Variants in PTPRR observed in about 807,000 individuals in gnomAD.
The protein encoded by PTPRR is receptor-type tyrosine-protein phosphatase R.
A neutral mutation model predicts 77.2 loss-of-function variants in PTPRR; 38 were observed. The ratio of observed to expected loss-of-function variants is 0.49; its 90% CI spans 0.38 to 0.65. The LOEUF is 0.65. Among genes scored for constraint, PTPRR ranks in the 30% least tolerant of loss-of-function variants. The pLI is 0.00. For missense variants in PTPRR, 744 were observed against 799.2 expected, an observed-to-expected ratio of 0.93 and a Z score of 0.83; for synonymous variants, 299 against 283.1, an observed-to-expected ratio of 1.06 and a Z score of -0.57.
intron 13 of PTPRR, among the ~76,000 whole-genome samples, chr12:70,654,851 C>T (rs758146249): frequency 8.5e-5 from 13 of 152,194 alleles, no homozygotes; most frequent in African/African-American, 1.2e-4. Flanking sequence ...CACTTTGTTG[C>T]TCAGGCTGGT....
chr12:70,671,702 C>T (rs1034488769), intron 10 of PTPRR, among the ~76,000 whole-genome samples: 12 of 152,214 alleles, frequency 7.9e-5, no homozygotes, highest in Admixed American at 3.9e-4. Context: ...GAACAAGATA[C>T]GCTTTATTCC....
chr12:70,834,196 T>C (rs1449645545), intron 2 of PTPRR, among the ~76,000 whole-genome samples: 2 of 152,342 alleles, frequency 1.3e-5, no homozygotes, highest in Admixed American at 1.3e-4. Context: ...GATAAATCTA[T>C]TTACATTTTG....
At chr12:70,912,106 A>G (rs1408952542) in intron 1 of PTPRR, among the ~76,000 whole-genome samples, 2 of 152,212 alleles carry the variant, frequency 1.3e-5, no homozygotes, top group African/African-American at 2.4e-5. Flanking sequence ...CAAAGAAACT[A>G]AATTGCTTAT....
At chr12:70,868,590 G>A (rs1892902148) in intron 2 of PTPRR, among the ~76,000 whole-genome samples, 1 of 152,178 alleles carries the variant, frequency 6.6e-6, no homozygotes, top group East Asian at 1.9e-4. Flanking sequence ...CTGTTGGTGG[G>A]ACTGTAAACT....
intron 1 of PTPRR, among the ~76,000 whole-genome samples, chr12:70,917,176 T>G (rs2137142258): frequency 6.6e-6 from 1 of 152,322 alleles, no homozygotes; most frequent in South Asian, 2.1e-4. Flanking sequence ...TTGTGGTGGC[T>G]TTTAATTGCC....
intron 2 of PTPRR, among the ~76,000 whole-genome samples, chr12:70,851,287 A>G (rs1450860624): frequency 2.6e-5 from 4 of 152,174 alleles, no homozygotes; most frequent in Non-Finnish European, 5.9e-5. Context: ...AGACACACAG[A>G]CAAAAATAAG....
At chr12:70,728,472 G>GTATA (rs1235917786) in intron 6 of PTPRR, among the ~76,000 whole-genome samples, 11 of 10,784 alleles carry the variant, frequency 1.0e-3, no homozygotes, top group African/African-American at 1.3e-3. Context: ...ACATATATGT[G>GTATA]TATATATATA....
intron 2 of PTPRR, among the ~76,000 whole-genome samples, chr12:70,767,774 T>C (rs1180764100): frequency 6.6e-6 from 1 of 152,144 alleles, no homozygotes; most frequent in African/African-American, 2.4e-5. Flanking sequence ...AGTAAAGCTC[T>C]CCTCAGCAAA....
rs754416357 is a variant in PTPRR, at chr12:70,800,266, C to CTT, written c.358-35489_358-35488insAA. On this transcript the variant is annotated intron_variant, in intron 2 of 13. Coordinates refer to ENST00000283228, the MANE Select transcript of PTPRR (RefSeq NM_002849.4). ...CTGCATTTTAGACATACTGTTCTCT[C>CTT]TCTTTTTTTTTTTTTGTGCTGAGGT... 9.7e-5 allele frequency among the ~76,000 whole-genome samples: 14 copies of CTT among 144,732 alleles called. 1 individual carries two copies. The highest frequency in any genetic ancestry group is 2.1e-4 in the Admixed American group (3 of 14,462). 94.9% of individuals were successfully genotyped at this position (144,732 alleles called of 152,430 possible).
At chr12:70,718,132 TTAAA>T (rs1292753423) in intron 6 of PTPRR, among the ~76,000 whole-genome samples, 1 of 152,244 alleles carries the variant, frequency 6.6e-6, no homozygotes, top group African/African-American at 2.4e-5. Context: ...TTACTTTGAT[TTAAA>T]TGTTATATTT....
intron 2 of PTPRR, among the ~76,000 whole-genome samples, chr12:70,873,370 C>T (rs188594213): frequency 6.6e-6 from 1 of 152,206 alleles, no homozygotes; most frequent in African/African-American, 2.4e-5. Context: ...ATGAAGGTGC[C>T]TAGGGATTTT....
intron 2 of PTPRR, among the ~76,000 whole-genome samples, chr12:70,767,152 T>G: frequency 6.6e-6 from 1 of 151,650 alleles, no homozygotes; most frequent in Non-Finnish European, 1.5e-5. Flanking sequence ...AGGATCAAAT[T>G]CACACATAAC....
chr12:70,776,809 T>C lies in PTPRR; in HGVS notation c.358-12031A>G, dbSNP rs974867528. Among the ~76,000 whole-genome samples, 29 of 152,278 alleles carry C rather than the reference T, an allele frequency of 1.9e-4. 1 individual carries two copies. Among genetic ancestry groups the C allele is most frequent in the Admixed American group, 8.5e-4 (13 of 15,290 alleles). ...CTTCCCTGACTTCTCCCCCTTCTTT[T>C]GTTGTTCCTTTCAGTTCTCCAGTAG... On this transcript the variant is annotated intron_variant, in intron 2 of 13. Coordinates refer to ENST00000283228, the MANE Select transcript of PTPRR (RefSeq NM_002849.4).
intron 1 of PTPRR, among the ~76,000 whole-genome samples, chr12:70,908,996 G>A (rs1042046942): frequency 6.6e-6 from 1 of 152,168 alleles, no homozygotes; most frequent in Non-Finnish European, 1.5e-5. Flanking sequence ...AGCTGAGGGT[G>A]GAGAAGAAAG....
At chr12:70,801,613 T>C (rs1032548818) in intron 2 of PTPRR, among the ~76,000 whole-genome samples, 11 of 152,206 alleles carry the variant, frequency 7.2e-5, no homozygotes, top group Admixed American at 7.2e-4. Flanking sequence ...TATCATCAGC[T>C]CTCCTGGTTT....
At chr12:70,668,049 A>G (rs552301983) in intron 10 of PTPRR, among the ~76,000 whole-genome samples, 2 of 152,216 alleles carry the variant, frequency 1.3e-5, no homozygotes, top group East Asian at 3.9e-4. Flanking sequence ...TGTCTTGTCT[A>G]TCTCCTCTTC....
At chr12:70,751,060 A>G (rs1890380351) in intron 5 of PTPRR, among the ~76,000 whole-genome samples, 1 of 149,532 alleles carries the variant, frequency 6.7e-6, no homozygotes, top group African/African-American at 2.6e-5. Flanking sequence ...TTTAAAAGTG[A>G]CTCCTTCAAA....
chr12:70,674,109 T>C (rs1023916818), intron 10 of PTPRR, among the ~76,000 whole-genome samples: 4 of 152,012 alleles, frequency 2.6e-5, no homozygotes, highest in Non-Finnish European at 5.9e-5. Flanking sequence ...AATTTTTAAA[T>C]TTTTTGTTGA....
intron 12 of PTPRR, among the ~76,000 whole-genome samples, chr12:70,660,134 G>A (rs533923960): frequency 2.5e-4 from 37 of 150,600 alleles, no homozygotes; most frequent in African/African-American, 8.5e-4. Context: ...CCGAGATAGC[G>A]CCACTGCACT....
Sources: gnomAD v4.1 joint callset for allele counts (sites outside exome capture counted in the v4.1 genomes callset) on GRCh38, gnomAD v4.1.1 for gene constraint, MANE v1.5 for transcripts, NCBI Gene and HGNC (gene_info 2026-07-23, HGNC 2026-07-21) for gene names.